Variants in MAP3K1 observed in about 807,000 individuals in gnomAD.
MAP3K1 encodes mitogen-activated protein kinase kinase kinase 1.
MAP3K1 carries 36 observed loss-of-function variants against 144.2 expected under a neutral mutation model. The ratio of observed to expected loss-of-function variants is 0.25; its 90% CI spans 0.19 to 0.33. The LOEUF is 0.33. Among genes scored for constraint, MAP3K1 ranks in the 10% least tolerant of loss-of-function variants. The probability of loss-of-function intolerance (pLI) is 1.00; values close to 1 mark genes in which losing one functional copy is unlikely to be tolerated. For synonymous variants in MAP3K1, 718 were observed against 688.7 expected, an observed-to-expected ratio of 1.04 and a Z score of -0.67; for missense variants, 1,650 against 1,881.9, an observed-to-expected ratio of 0.88 and a Z score of 2.28.
chr5:56,877,790 A>G (rs925618281), intron 10 of MAP3K1, among the ~76,000 whole-genome samples: 1 of 152,076 alleles, frequency 6.6e-6, no homozygotes, highest in Non-Finnish European at 1.5e-5. Flanking sequence ...CCAGGATCCA[A>G]TCCAGGATCC....
At chr5:56,891,327 C>CTTTGCAT (rs1175120889) in intron 19 of MAP3K1, among the ~76,000 whole-genome samples, 4 of 152,056 alleles carry the variant, frequency 2.6e-5, no homozygotes, top group Non-Finnish European at 5.9e-5. Flanking sequence ...CTTTATATTA[C>CTTTGCAT]TTTGCATTTT....
intron 9 of MAP3K1, among the ~76,000 whole-genome samples, chr5:56,873,681 T>A (rs1747929096): frequency 6.6e-6 from 1 of 152,202 alleles, no homozygotes; most frequent in Non-Finnish European, 1.5e-5. Flanking sequence ...AGTAAAATAA[T>A]TATTTTCAAT....
At chr5:56,861,654 A>C (rs946713783) in intron 3 of MAP3K1, among the ~76,000 whole-genome samples, 19 of 151,798 alleles carry the variant, frequency 1.3e-4, no homozygotes, top group Non-Finnish European at 2.6e-4. Context: ...ACTTTCTTTC[A>C]TATACTTTAA....
intron 1 of MAP3K1, among the ~76,000 whole-genome samples, chr5:56,855,696 G>A (rs1471984455): frequency 6.7e-6 from 1 of 150,346 alleles, no homozygotes; most frequent in African/African-American, 2.5e-5. Context: ...GTATTTCCTT[G>A]AGTATTTCCT....
chr5:56,839,165 G>C (rs750678360), intron 1 of MAP3K1, among the ~76,000 whole-genome samples: 1 of 152,190 alleles, frequency 6.6e-6, no homozygotes, highest in Non-Finnish European at 1.5e-5. Flanking sequence ...CCTAACAATA[G>C]TATCTCATTA....
At chr5:56,880,007 G>A (rs1748159023) in intron 11 of MAP3K1, among the ~76,000 whole-genome samples, 1 of 152,132 alleles carries the variant, frequency 6.6e-6, no homozygotes, top group African/African-American at 2.4e-5. Flanking sequence ...CATGAAGTCT[G>A]TCTTTTGCCT....
chr5:56,889,084 C>T (rs566100755), intron 19 of MAP3K1, among the ~76,000 whole-genome samples: 6 of 152,160 alleles, frequency 3.9e-5, no homozygotes, highest in Non-Finnish European at 8.8e-5. Flanking sequence ...TATATCCATC[C>T]ATCACTTTAA....
intron 1 of MAP3K1, among the ~76,000 whole-genome samples, chr5:56,833,075 T>A (rs1310768393): frequency 6.6e-6 from 1 of 152,132 alleles, no homozygotes; most frequent in Non-Finnish European, 1.5e-5. Context: ...TTTCACCATG[T>A]TGGCTAGGAT....
intron 19 of MAP3K1, among the ~76,000 whole-genome samples, chr5:56,890,168 T>C (rs1734763923): frequency 6.6e-6 from 1 of 152,222 alleles, no homozygotes; most frequent in Admixed American, 6.5e-5. Context: ...GGTCCATTCA[T>C]GTCTGATTCA....
At chr5:56,881,414 A>G in intron 13 of MAP3K1, 142 bp downstream of exon 13, 1 of 985,310 alleles carries the variant, frequency 1.0e-6, no homozygotes, top group Non-Finnish European at 1.5e-6. Flanking sequence ...ACATATGAAA[A>G]CCCAAAGTCT....
intron 15 of MAP3K1, among the ~76,000 whole-genome samples, chr5:56,884,193 A>G (rs1054328361): frequency 1.2e-4 from 19 of 152,318 alleles, no homozygotes; most frequent in Admixed American, 3.9e-4. Context: ...TAAGACTACA[A>G]TATCAAGATG....
intron 3 of MAP3K1, 77 bp from the exon 4 acceptor site, chr5:56,864,656 AG>A (rs1747621020): frequency 6.7e-7 from 1 of 1,485,312 alleles, no homozygotes; most frequent in African/African-American, 1.4e-5. Context: ...TACAGGCGTG[AG>A]CCACCATGCC....
At chr5:56,841,219 AGAC>A (rs962518153) in intron 1 of MAP3K1, among the ~76,000 whole-genome samples, 8 of 147,548 alleles carry the variant, frequency 5.4e-5, no homozygotes, top group African/African-American at 2.0e-4. Flanking sequence ...AAAAAAAACT[AGAC>A]AGGTTAATAT....
In MAP3K1 at chr5:56,864,871, T is replaced by G; in HGVS notation, c.972T>G (p.Pro324=). ...ARLYLLQQIG[P]NSFLIGGDSP... is the part of the protein sequence containing the mutation. ...TGTACTTACTGCAGCAGATAGGGCC[T>G]AACTCTTTCCTGATTGGAGGAGACA... The change falls in exon 4 of 20, where the codon CCT becomes CCG. Residue 324 remains proline (P), a synonymous_variant. Coordinates refer to ENST00000399503, the MANE Select transcript of MAP3K1 (RefSeq NM_005921.2). 2 of 1,614,122 alleles carry G rather than the reference T, an allele frequency of 1.2e-6. No homozygotes were observed. Among genetic ancestry groups the G allele is most frequent in the Non-Finnish European group, 1.7e-6 (2 of 1,180,008 alleles).
chr5:56,893,112 A>C (rs909377358), intron 19 of MAP3K1, among the ~76,000 whole-genome samples: 2 of 152,128 alleles, frequency 1.3e-5, no homozygotes, highest in East Asian at 3.8e-4. Flanking sequence ...TATTAAATTG[A>C]CTCTTCAGTT....
chr5:56,852,747 A>T (rs1390149061), intron 1 of MAP3K1, among the ~76,000 whole-genome samples: 2 of 152,174 alleles, frequency 1.3e-5, no homozygotes, highest in Non-Finnish European at 2.9e-5. Context: ...ACTCCCCGAA[A>T]CATTCACGTT....
In MAP3K1 at chr5:56,817,047, A is replaced by G. The variant is rs1022946044; in HGVS notation, c.482+992A>G. ...TGGCGCGGGCCGCCCGCTGAATTCC[A>G]GGGGCCGCAGTGCGGTGGGCTTCGG... On this transcript the variant is annotated intron_variant, in intron 1 of 19. Transcript: ENST00000399503. 9.1e-6 allele frequency: 9 copies of G among 985,062 alleles called. No individual in the cohort carries two copies. In the African/African-American group the frequency reaches 1.4e-4, roughly 15 times the overall value. 61.0% of individuals were successfully genotyped at this position (985,062 alleles called of 1,614,324 possible).
chr5:56,889,974 C>T (rs954591582), intron 19 of MAP3K1, among the ~76,000 whole-genome samples: 1 of 152,152 alleles, frequency 6.6e-6, no homozygotes, highest in Non-Finnish European at 1.5e-5. Context: ...TGTCCGTTCT[C>T]TACGTGGTTC....
intron 6 of MAP3K1, among the ~76,000 whole-genome samples, chr5:56,867,391 C>G (rs1747709083): frequency 6.6e-6 from 1 of 151,978 alleles, no homozygotes; most frequent in Non-Finnish European, 1.5e-5. Flanking sequence ...GGAAATTTAT[C>G]TGGAGGTCTG....
Sources: allele counts gnomAD v4.1 joint callset (sites outside exome capture counted in the v4.1 genomes callset), GRCh38; gene constraint gnomAD v4.1.1; transcripts MANE v1.5; gene names NCBI Gene and HGNC (gene_info 2026-07-23, HGNC 2026-07-21).